FBXO46: variants seen among roughly 807,000 people sequenced by gnomAD.
FBXO46 encodes the protein F-box only protein 46.
A neutral mutation model predicts 30.7 loss-of-function variants in FBXO46; 13 were observed. The ratio of observed to expected loss-of-function variants is 0.42; its 90% confidence interval spans 0.28 to 0.67. FBXO46 has a LOEUF of 0.67. Among genes scored for constraint, FBXO46 ranks in the 30% least tolerant of loss-of-function variants. The pLI is 0.21. For missense variants in FBXO46, 754 were observed against 871.5 expected (o/e 0.87, Z 1.70); for synonymous variants, 467 against 385.8 (o/e 1.21, Z -2.47).
intron 1 of FBXO46, among the ~76,000 whole-genome samples, chr19:45,727,342 G>C (rs1452619265): frequency 6.6e-6 from 1 of 152,094 alleles, no homozygotes; most frequent in Non-Finnish European, 1.5e-5. Context: ...TGCATCACCT[G>C]AGGTCAGGAG....
chr19:45,723,290 G>A (rs1040746077), intron 1 of FBXO46, among the ~76,000 whole-genome samples: 8 of 151,864 alleles, frequency 5.3e-5, no homozygotes, highest in African/African-American at 1.5e-4. Flanking sequence ...AGGAGAATCC[G>A]CTGGGCCCAG....
At chr19:45,717,878 C>T (rs1968120680) in intron 1 of FBXO46, among the ~76,000 whole-genome samples, 1 of 152,148 alleles carries the variant, frequency 6.6e-6, no homozygotes, top group South Asian at 2.1e-4. Flanking sequence ...AAGGTTCCCA[C>T]GGCAACTGAA....
At chr19:45,723,998 T>G (rs879266268) in intron 1 of FBXO46, among the ~76,000 whole-genome samples, 1 of 152,174 alleles carries the variant, frequency 6.6e-6, no homozygotes, top group Admixed American at 6.6e-5. Context: ...ATACAATTTT[T>G]TTCTTCGTTT....
Position 45,713,109 on chromosome 19 carries a change from G to A in FBXO46, c.387C>T (p.Ser129=). 6.2e-7 allele frequency: 1 copy of A among 1,610,874 alleles called. No homozygotes were observed. Among genetic ancestry groups the A allele is most frequent in the South Asian group, 1.1e-5 (1 of 90,834 alleles). The change falls in exon 2 of 2, where the codon TCC becomes TCT. Residue 129 remains serine, a synonymous_variant. Coordinates refer to ENST00000317683, the MANE Select transcript of FBXO46 (RefSeq NM_001080469.2). This position sits in a 1 kb window ranked among gnomAD's most constrained non-coding sequence, Gnocchi z 4.7. The part of the protein sequence containing the change: ...KVKGHWGSDS[S]KAKRRRRCLD... ...GACAGCGCCTCCGCCGCTTGGCCTT[G>A]GAGCTATCGCTGCCCCAGTGCCCCT...
chr19:45,723,275 G>A (rs1968197412), intron 1 of FBXO46, among the ~76,000 whole-genome samples: 1 of 151,988 alleles, frequency 6.6e-6, no homozygotes, highest in Non-Finnish European at 1.5e-5. Flanking sequence ...CGGGGAGGCT[G>A]AGACAGGAGA....
At chr19:45,728,266 T>C (rs976310099) in intron 1 of FBXO46, among the ~76,000 whole-genome samples, 1 of 152,132 alleles carries the variant, frequency 6.6e-6, no homozygotes, top group Admixed American at 6.5e-5. Context: ...GAAGTCGTAA[T>C]TGGATTTAGG....
intron 1 of FBXO46, among the ~76,000 whole-genome samples, chr19:45,724,286 T>A (rs892653857): frequency 6.6e-6 from 1 of 152,212 alleles, no homozygotes; most frequent in African/African-American, 2.4e-5. Context: ...GATAATTCAA[T>A]GAGGGCTGGA....
rs745553569 is a variant in FBXO46, at chr19:45,711,963, G to A, written c.1533C>T (p.Gly511=). The A allele has an allele frequency of 5.6e-6, 9 of 1,612,846 alleles. No homozygotes were observed. In the Admixed American group the frequency reaches 8.3e-5, roughly 15 times the overall value. ...TCCAGCGCGAGTCTGTGGCCCGCAC[G>A]CCAAACGCCTCGATGATGCCCTTGA... is the stretch of plus-strand genomic sequence containing the variant. ...HHFKGIIEAF[G]VRATDSRWSR... The change falls in exon 2 of 2, where the codon GGC becomes GGT. Residue 511 remains glycine (G), a synonymous_variant. Transcript: ENST00000317683.
intron 1 of FBXO46, among the ~76,000 whole-genome samples, chr19:45,730,418 C>A (rs1968293466): frequency 6.6e-6 from 1 of 152,018 alleles, no homozygotes; most frequent in Non-Finnish European, 1.5e-5. Context: ...CCTTCCTGCC[C>A]CCAATCCGAT....
intron 1 of FBXO46, chr19:45,717,068 C>G (rs1968100975): frequency 6.6e-6 from 1 of 152,278 alleles, no homozygotes; most frequent in African/African-American, 2.4e-5. Context: ...ACAAACGAAC[C>G]CAAACTCCAA....
At chr19:45,727,888 C>T (rs1968260001) in intron 1 of FBXO46, among the ~76,000 whole-genome samples, 1 of 152,138 alleles carries the variant, frequency 6.6e-6, no homozygotes, top group African/African-American at 2.4e-5. Flanking sequence ...GGAGTAAGGC[C>T]AGACTGGGTA....
Position 45,711,001 on chromosome 19 carries a change from G to A in FBXO46, c.*683C>T, listed in dbSNP as rs1967947987. ...GCAGTAGCTTAAATAATAACGGGAG[G>A]AGGAGGGTTTTTATACTTCAGCTTT... On this transcript the variant is annotated 3_prime_UTR_variant, in exon 2 of 2. Coordinates refer to ENST00000317683, the MANE Select transcript of FBXO46 (RefSeq NM_001080469.2). 4.3e-6 allele frequency: 1 copy of A among 235,040 alleles called. No homozygotes were observed. Among genetic ancestry groups the A allele is most frequent in the Non-Finnish European group, 8.4e-6 (1 of 118,486 alleles). The allele number at this position is 235,040 out of a possible 1,614,324, so 14.6% of individuals were successfully genotyped here.
chr19:45,713,658 A>G lies in FBXO46; in HGVS notation c.-78-85T>C. The G allele has an allele frequency of 1.7e-6, 1 of 586,106 alleles. No individual in the cohort carries two copies. Among genetic ancestry groups the G allele is most frequent in the Non-Finnish European group, 3.0e-6 (1 of 331,004 alleles). 36.3% of individuals were successfully genotyped at this position (586,106 alleles called of 1,614,324 possible). A position where few individuals can be genotyped will look rare whatever the true frequency, so the allele number is the denominator to read the frequency against. Reference sequence around the variant, plus strand: ...CCCAACCTCCACCTCTCCTTAGACCAAACCAGACCATCAAGAACTCTATTC... The same window carrying G: ...CCCAACCTCCACCTCTCCTTAGACCGAACCAGACCATCAAGAACTCTATTC... On this transcript the variant is annotated intron_variant, in intron 1 of 1. Coordinates refer to ENST00000317683, the MANE Select transcript of FBXO46 (RefSeq NM_001080469.2). The surrounding 1 kb of genome is among the most constrained non-coding windows in gnomAD (Gnocchi z 4.7).
In FBXO46 at chr19:45,713,113, C is replaced by G. The variant is rs765286089; in HGVS notation, c.383G>C (p.Ser128Thr). The change falls in exon 2 of 2, where the codon AGC becomes ACC. Residue 128 changes from serine to threonine, a missense_variant. By Grantham distance (58) the Ser-to-Thr change is moderately conservative. Transcript: ENST00000317683. The surrounding 1 kb of genome is among the most constrained non-coding windows in gnomAD (Gnocchi z 4.7). ...GCGCCTCCGCCGCTTGGCCTTGGAG[C>G]TATCGCTGCCCCAGTGCCCCTTGAC... ...MKVKGHWGSD[S>T]SKAKRRRRCL... The G allele has an allele frequency of 6.2e-7, 1 of 1,611,188 alleles. No individual in the cohort carries two copies. The highest frequency in any genetic ancestry group is 8.5e-7 in the Non-Finnish European group (1 of 1,178,852).
At position 45,711,836 on chromosome 19, in the gene FBXO46, G is replaced by A. The variant is rs774192755; in HGVS notation, c.1660C>T (p.His554Tyr). 2 of 1,613,546 alleles carry A rather than the reference G, an allele frequency of 1.2e-6. No homozygotes were observed. Among genetic ancestry groups the A allele is most frequent in the South Asian group, 1.1e-5 (1 of 91,076 alleles). ...TAGGAACGTCCGTAAGGCAGGTCAT[G>A]GTGGTAGGGCTTGGGGTGCCAGCGG... ...LCRWHPKPYHHDLPYGRSYWM... is the reference protein window; with the variant it reads ...LCRWHPKPYHYDLPYGRSYWM... Residue 554 changes from histidine to tyrosine, a missense_variant, in exon 2 of 2, where the codon CAT becomes TAT. His to Tyr is a moderately conservative substitution (Grantham distance 83). Transcript: ENST00000317683.
intron 1 of FBXO46, among the ~76,000 whole-genome samples, chr19:45,725,625 T>C (rs1968228786): frequency 1.3e-5 from 2 of 151,906 alleles, no homozygotes; most frequent in African/African-American, 4.8e-5. Context: ...TCCCAGCTAC[T>C]TGGAAGGCTG....
Position 45,729,366 on chromosome 19 carries a change from G to A in FBXO46, c.-79+1483C>T, listed in dbSNP as rs1385405867. On this transcript the variant is annotated intron_variant, in intron 1 of 1. Coordinates refer to ENST00000317683, the MANE Select transcript of FBXO46 (RefSeq NM_001080469.2). ...GAATCGCTTGAACCCGGGAGGCAGA[G>A]GCTACAGTTAGCCATACCACTGCAC... Among the ~76,000 whole-genome samples, 3 of 152,220 alleles carry A rather than the reference G, an allele frequency of 2.0e-5. No homozygotes were observed. In the East Asian group the frequency reaches 5.8e-4, roughly 29 times the overall value.
intron 1 of FBXO46, chr19:45,714,474 T>C (rs1367029797): frequency 6.6e-6 from 1 of 152,014 alleles, no homozygotes; most frequent in Non-Finnish European, 1.5e-5. Flanking sequence ...TACAGGGGAT[T>C]CCCTAAAGCA....
Position 45,711,235 on chromosome 19 carries a change from T to A in FBXO46, c.*449A>T. 1 of 426,248 alleles carries A rather than the reference T, an allele frequency of 2.3e-6. No individual in the cohort carries two copies. Among genetic ancestry groups the A allele is most frequent in the South Asian group, 1.7e-5 (1 of 58,778 alleles). The allele number at this position is 426,248 out of a possible 1,614,324, so 26.4% of individuals were successfully genotyped here. A position where few individuals can be genotyped will look rare whatever the true frequency, so the allele number is the denominator to read the frequency against. On this transcript the variant is annotated 3_prime_UTR_variant, in exon 2 of 2. Transcript: ENST00000317683. Reference sequence around the variant, plus strand: ...CTGTCGTGTGGCAGGTTAGGAGAGGTGCCAACCTTGGGCGATGCGGCTTCT... The same window carrying A: ...CTGTCGTGTGGCAGGTTAGGAGAGGAGCCAACCTTGGGCGATGCGGCTTCT...
Sources: allele counts gnomAD v4.1 joint callset (sites outside exome capture counted in the v4.1 genomes callset), GRCh38; gene constraint gnomAD v4.1.1; non-coding constraint Gnocchi (gnomAD v3.1); transcripts MANE v1.5; gene names NCBI Gene and HGNC (gene_info 2026-07-23, HGNC 2026-07-21).